AFF2: variants seen among roughly 807,000 people sequenced by gnomAD.
The protein encoded by AFF2 is AF4/FMR2 family member 2.
AFF2 carries 14 observed loss-of-function variants against 76.9 expected under a neutral mutation model. That is an observed-to-expected ratio of 0.18 (90% confidence interval 0.12 to 0.28). The LOEUF is 0.28. Ranked by LOEUF, AFF2 falls within the 10% of genes least tolerant of loss-of-function variation. The pLI is 1.00. For synonymous variants in AFF2, 398 were observed against 366.7 expected (o/e 1.09, Z -0.98); for missense variants, 868 against 1,001.1 (o/e 0.87, Z 1.79).
intron 3 of AFF2, among the ~76,000 whole-genome samples, chrX:148,721,738 G>T (rs34745262): frequency 1.8e-5 from 2 of 112,229 alleles, no homozygotes; most frequent in Non-Finnish European, 1.9e-5. Flanking sequence ...CATAGTTCTG[G>T]AGACTAGAAG....
intron 3 of AFF2, among the ~76,000 whole-genome samples, chrX:148,785,090 C>T (rs1299153191): frequency 8.9e-6 from 1 of 112,007 alleles, no homozygotes; most frequent in Non-Finnish European, 1.9e-5. Flanking sequence ...CTTGGGGCAC[C>T]GGGCTCCTGA....
At chrX:148,798,389 C>CCT (rs1302289209) in intron 3 of AFF2, among the ~76,000 whole-genome samples, 1 of 112,201 alleles carries the variant, frequency 8.9e-6, no homozygotes, top group African/African-American at 3.2e-5. Context: ...CATAGCACTC[C>CCT]CTGTGGACAG....
intron 3 of AFF2, among the ~76,000 whole-genome samples, chrX:148,710,164 G>T (rs892805819): frequency 1.1e-4 from 12 of 111,932 alleles, no homozygotes; most frequent in African/African-American, 3.9e-4. Flanking sequence ...TAGAAATTAC[G>T]CATTCAACTA....
chrX:148,777,094 C>T (rs1473227271), intron 3 of AFF2, among the ~76,000 whole-genome samples: 1 of 112,111 alleles, frequency 8.9e-6, no homozygotes, highest in Non-Finnish European at 1.9e-5. Context: ...GTTTTCCCAA[C>T]ACCATTTATT....
intron 12 of AFF2, among the ~76,000 whole-genome samples, chrX:148,959,086 T>C (rs1603348926): frequency 9.2e-6 from 1 of 109,279 alleles, no homozygotes; most frequent in East Asian, 2.9e-4. Flanking sequence ...TCTGGCCTCC[T>C]CAAACATGTC....
intron 15 of AFF2, among the ~76,000 whole-genome samples, chrX:148,970,958 C>T (rs189337877): frequency 3.1e-4 from 35 of 111,136 alleles, no homozygotes; most frequent in African/African-American, 1.1e-3. Flanking sequence ...TAGTAAATTT[C>T]ATGAATAGAA....
Position 148,614,742 on chromosome X carries a change from C to CTTTCTTTCTTTCCTTCT in AFF2, c.48-37245_48-37244insCTTCTTTTCTTTCTTTC, listed in dbSNP as rs1569552171. On this transcript the variant is annotated intron_variant, in intron 1 of 20. Transcript: ENST00000370460. ...CTTTCTTTCTTTCTTTCCTTCTTTTCTTTCTTTCTTTCTTTCTTTCTTTCT... is the reference window on the plus strand; with the variant it reads ...CTTTCTTTCTTTCTTTCCTTCTTTTCTTTCTTTCTTTCCTTCTTTTCTTTCTTTCTTTCTTTCTTTCT... Among the ~76,000 whole-genome samples, 160 of 26,867 alleles carry CTTTCTTTCTTTCCTTCT rather than the reference C, an allele frequency of 6.0e-3. 2 individuals carry two copies. Among genetic ancestry groups the CTTTCTTTCTTTCCTTCT allele is most frequent in the Middle Eastern group, 0.044 (2 of 45 alleles). 23.3% of individuals were successfully genotyped at this position (26,867 alleles called of 115,157 possible).
rs782625645 is a variant in AFF2, at chrX:148,996,965, C to A, written c.*5633C>A. 1.8e-5 allele frequency: 2 copies of A among 112,296 alleles called. No homozygotes were observed. The highest frequency in any genetic ancestry group is 6.5e-5 in the African/African-American group (2 of 30,900). 9.3% of individuals were successfully genotyped at this position (112,296 alleles called of 1,213,427 possible). A position where few individuals can be genotyped will look rare whatever the true frequency, so the allele number is the denominator to read the frequency against. On this transcript the variant is annotated 3_prime_UTR_variant, in exon 21 of 21. Transcript: ENST00000370460. ...TTTACGGGAACTCTATGGAGAATAG[C>A]ACAATCCAGAATTTACTGTGTTTTT...
At chrX:148,701,012 A>AGAGAGTG (rs782232655) in intron 3 of AFF2, among the ~76,000 whole-genome samples, 42 of 73,703 alleles carry the variant, frequency 5.7e-4, no homozygotes, top group African/African-American at 2.3e-3. Context: ...GAGAGAGAGA[A>AGAGAGTG]TGTGTGTGTG....
At chrX:148,941,142 T>C (rs782532834) in intron 9 of AFF2, among the ~76,000 whole-genome samples, 1 of 111,473 alleles carries the variant, frequency 9.0e-6, no homozygotes, top group Non-Finnish European at 1.9e-5. Context: ...TTTCTGATTG[T>C]TTATTAATGG....
chrX:148,533,603 T>G (rs1557236188), intron 1 of AFF2, among the ~76,000 whole-genome samples: 1 of 111,793 alleles, frequency 8.9e-6, no homozygotes, highest in Non-Finnish European at 1.9e-5. Flanking sequence ...GATAATTTGT[T>G]TTATGTTAGT....
intron 1 of AFF2, among the ~76,000 whole-genome samples, chrX:148,579,962 T>C (rs189025186): frequency 9.0e-6 from 1 of 111,590 alleles, no homozygotes; most frequent in African/African-American, 3.3e-5. Context: ...TGCAGTCCCA[T>C]TAAACTAATT....
intron 3 of AFF2, among the ~76,000 whole-genome samples, chrX:148,727,628 G>A (rs1199136277): frequency 9.0e-6 from 1 of 111,385 alleles, no homozygotes; most frequent in African/African-American, 3.3e-5. Context: ...AAAAAAATGA[G>A]TTTGGAACAC....
intron 3 of AFF2, among the ~76,000 whole-genome samples, chrX:148,784,420 G>C (rs1431087475): frequency 8.9e-6 from 1 of 111,948 alleles, no homozygotes; most frequent in East Asian, 2.8e-4. Context: ...TTTTGAAGGA[G>C]AGACAAGAGG....
rs782493302 is a variant in AFF2, at chrX:148,973,549, G to A, written c.3346G>A (p.Asp1116Asn). 9 of 1,209,776 alleles carry A rather than the reference G, an allele frequency of 7.4e-6. No individual in the cohort carries two copies. The highest frequency in any genetic ancestry group is 7.0e-5 in the South Asian group (4 of 56,776). The part of the protein sequence containing the change: ...FTECGNAMER[D>N]PLEAKSPYTM... Reference sequence around the variant, plus strand: ...TGAATGTGGCAATGCCATGGAACGCGACCCTCTGGAAGCAAAGTCCCCATA... The same window carrying A: ...TGAATGTGGCAATGCCATGGAACGCAACCCTCTGGAAGCAAAGTCCCCATA... The change falls in exon 16 of 21, where the codon GAC (aspartate) becomes AAC (asparagine). Residue 1116 changes from aspartate to asparagine, a missense_variant. Asp to Asn is a conservative substitution (Grantham distance 23). Around this residue, in one of 6 missense-constraint regions of AFF2, gnomAD observed 57 missense variants for 117.8 expected, o/e 0.48. Transcript: ENST00000370460.
At chrX:148,704,438 GTATATATATATTTATATA>G (rs1296255842) in intron 3 of AFF2, among the ~76,000 whole-genome samples, 629 of 15,324 alleles carry the variant, frequency 0.041, 128 homozygotes, top group East Asian at 0.056. Flanking sequence ...TTATATATGT[GTATATATATATTTATATA>G]TGTGTATATA....
chrX:148,748,695 C>T (rs2055457392), intron 3 of AFF2, among the ~76,000 whole-genome samples: 1 of 111,436 alleles, frequency 9.0e-6, no homozygotes, highest in Non-Finnish European at 1.9e-5. Flanking sequence ...GCTCAGAGAG[C>T]ACCCTGGCCA....
chrX:148,689,353 C>A (rs899804760), intron 3 of AFF2, among the ~76,000 whole-genome samples: 2 of 111,233 alleles, frequency 1.8e-5, no homozygotes, highest in South Asian at 7.6e-4. Flanking sequence ...TGGAAGGAGG[C>A]GACAAAACTC....
At chrX:148,713,498 G>A (rs368741929) in intron 3 of AFF2, among the ~76,000 whole-genome samples, 1 of 111,974 alleles carries the variant, frequency 8.9e-6, no homozygotes, top group Non-Finnish European at 1.9e-5. Flanking sequence ...TGCACAATGT[G>A]CCCTGATTAA....
Sources: gnomAD v4.1 joint callset for allele counts (sites outside exome capture counted in the v4.1 genomes callset) on GRCh38, gnomAD v4.1.1 for gene constraint, gnomAD v4.1.1 regional missense constraint, MANE v1.5 for transcripts, NCBI Gene and HGNC (gene_info 2026-07-23, HGNC 2026-07-21) for gene names.